COL25A1: variants seen among roughly 807,000 people sequenced by gnomAD.
COL25A1 encodes collagen type XXV alpha 1 chain.
In COL25A1, 103 loss-of-function variants were observed where a neutral mutation model predicts 128.4. The ratio of observed to expected loss-of-function variants is 0.80; its 90% CI spans 0.68 to 0.94. COL25A1 has a LOEUF of 0.94. COL25A1 is among the 40% of genes least tolerant of loss of function. The pLI, the probability that COL25A1 is intolerant of heterozygous loss-of-function variation, is 0.00. For missense variants in COL25A1, 745 were observed against 840.0 expected, an observed-to-expected ratio of 0.89 and a Z score of 1.40; for synonymous variants, 279 against 277.2, an observed-to-expected ratio of 1.01 and a Z score of -0.06.
chr4:108,811,868 AT>A lies in COL25A1; in HGVS notation c.*2058del, dbSNP rs1457602719. Reference sequence around the variant, plus strand: ...GAAGATGCCATTTTGTATGACTGTCATTTGGTTACATAACATAAATGAGATC... The same window carrying A: ...GAAGATGCCATTTTGTATGACTGTCATTGGTTACATAACATAAATGAGATC... On this transcript the variant is annotated 3_prime_UTR_variant, in exon 38 of 38. Coordinates refer to ENST00000399132, the MANE Select transcript of COL25A1 (RefSeq NM_198721.4). The A allele has an allele frequency of 1.3e-5, 2 of 152,162 alleles. No individual in the cohort carries two copies. Among genetic ancestry groups the A allele is most frequent in the African/African-American group, 4.8e-5 (2 of 41,454 alleles). 9.4% of individuals were successfully genotyped at this position (152,162 alleles called of 1,614,324 possible).
At chr4:108,859,768 A>G (rs769520958) in intron 23 of COL25A1, 35 bp from the exon 24 acceptor site, 57 of 1,527,838 alleles carry the variant, frequency 3.7e-5, no homozygotes, top group Non-Finnish European at 4.9e-5. Context: ...AATCATGGGT[A>G]TTAGCTTAGC....
chr4:108,908,589 A>C (rs1037437592), intron 13 of COL25A1, among the ~76,000 whole-genome samples: 3 of 152,192 alleles, frequency 2.0e-5, no homozygotes, highest in Non-Finnish European at 4.4e-5. Context: ...TCTAAACAGC[A>C]AACTCCCTCC....
intron 3 of COL25A1, among the ~76,000 whole-genome samples, chr4:109,144,627 C>T (rs1280660376): frequency 6.6e-6 from 1 of 152,130 alleles, no homozygotes; most frequent in Non-Finnish European, 1.5e-5. Flanking sequence ...TCAGTGAAGC[C>T]AAATATACTT....
intron 19 of COL25A1, among the ~76,000 whole-genome samples, chr4:108,874,601 A>G (rs1480145469): frequency 6.6e-6 from 1 of 152,230 alleles, no homozygotes; most frequent in Non-Finnish European, 1.5e-5. Flanking sequence ...TCCTGCTCCC[A>G]TTATCAGGGA....
At chr4:108,910,923 C>T (rs1744131857) in intron 13 of COL25A1, among the ~76,000 whole-genome samples, 1 of 152,160 alleles carries the variant, frequency 6.6e-6, no homozygotes, top group Non-Finnish European at 1.5e-5. Flanking sequence ...AATTCAGTTT[C>T]TCATAAACTA....
At chr4:108,978,757 T>C (rs957389600) in intron 6 of COL25A1, among the ~76,000 whole-genome samples, 2 of 152,198 alleles carry the variant, frequency 1.3e-5, no homozygotes, top group Non-Finnish European at 2.9e-5. Flanking sequence ...GATAAAACTT[T>C]GTTGCTCCAA....
chr4:108,884,423 T>G (rs1740526674), intron 18 of COL25A1, among the ~76,000 whole-genome samples: 1 of 152,228 alleles, frequency 6.6e-6, no homozygotes. Flanking sequence ...ACAGATTTTT[T>G]GGGATTTTCT....
intron 3 of COL25A1, among the ~76,000 whole-genome samples, chr4:109,220,324 T>A (rs1174652312): frequency 1.3e-5 from 2 of 152,200 alleles, no homozygotes; most frequent in Admixed American, 6.5e-5. Context: ...TACGCAGACA[T>A]CCATTTCGCT....
At chr4:108,890,598 T>G (rs1344507472) in intron 16 of COL25A1, among the ~76,000 whole-genome samples, 2 of 152,180 alleles carry the variant, frequency 1.3e-5, no homozygotes, top group Non-Finnish European at 2.9e-5. Context: ...TCAAGTTCCT[T>G]CTAGCCCTCT....
At chr4:109,287,623 C>A (rs1724016357) in intron 3 of COL25A1, among the ~76,000 whole-genome samples, 1 of 152,126 alleles carries the variant, frequency 6.6e-6, no homozygotes, top group Non-Finnish European at 1.5e-5. Context: ...CCCACCAACC[C>A]ACCTGTAGTT....
At chr4:109,268,861 G>A (rs969106886) in intron 3 of COL25A1, among the ~76,000 whole-genome samples, 4 of 151,980 alleles carry the variant, frequency 2.6e-5, no homozygotes, top group Non-Finnish European at 5.9e-5. Context: ...GGAGGCTTCC[G>A]GTAGCTCCCT....
intron 3 of COL25A1, among the ~76,000 whole-genome samples, chr4:109,153,176 G>C (rs1025358620): frequency 6.6e-6 from 1 of 151,688 alleles, no homozygotes; most frequent in Non-Finnish European, 1.5e-5. Flanking sequence ...TCCTGAGGTC[G>C]GGAGTTCGAG....
At chr4:109,281,964 C>G (rs1360690931) in intron 3 of COL25A1, among the ~76,000 whole-genome samples, 1 of 152,138 alleles carries the variant, frequency 6.6e-6, no homozygotes, top group Non-Finnish European at 1.5e-5. Flanking sequence ...AGTGCTCTTT[C>G]TAAGTCACAG....
intron 3 of COL25A1, among the ~76,000 whole-genome samples, chr4:109,292,014 ATTTCAAAGATCAC>A (rs1261286092): frequency 6.6e-6 from 1 of 152,138 alleles, no homozygotes; most frequent in South Asian, 2.1e-4. Flanking sequence ...ACAGTACAGT[ATTTCAAAGATCAC>A]TTCTGTGTTG....
chr4:108,884,824 T>G (rs1264955261), intron 18 of COL25A1, among the ~76,000 whole-genome samples: 1 of 152,194 alleles, frequency 6.6e-6, no homozygotes, highest in Non-Finnish European at 1.5e-5. Context: ...CTTAGCAGCT[T>G]AGGGCTAATG....
intron 24 of COL25A1, among the ~76,000 whole-genome samples, chr4:108,857,925 T>C (rs891127613): frequency 1.6e-4 from 24 of 152,194 alleles, no homozygotes; most frequent in Middle Eastern, 3.4e-3. Flanking sequence ...AGTAAACCAC[T>C]AGAACCCCAC....
intron 5 of COL25A1, among the ~76,000 whole-genome samples, chr4:109,023,545 C>T (rs1724444): frequency 0.5 from 76,282 of 151,900 alleles, 21,924 homozygotes; most frequent in African/African-American, 0.77. Flanking sequence ...AACTTTCCAA[C>T]GAGGAGCTAA....
chr4:109,078,135 A>AT (rs1763541414), intron 3 of COL25A1, among the ~76,000 whole-genome samples: 1 of 152,096 alleles, frequency 6.6e-6, no homozygotes, highest in Non-Finnish European at 1.5e-5. Flanking sequence ...TTAAACTCTA[A>AT]TTTTCTGCTA....
chr4:108,942,145 G>T, intron 8 of COL25A1: 1 of 1,504,350 alleles, frequency 6.6e-7, no homozygotes, highest in Non-Finnish European at 9.0e-7. Context: ...CAATTGAATG[G>T]TTCCTGCTCA....
Sources: allele counts gnomAD v4.1 joint callset (sites outside exome capture counted in the v4.1 genomes callset), GRCh38; gene constraint gnomAD v4.1.1; transcripts MANE v1.5; gene names NCBI Gene and HGNC (gene_info 2026-07-23, HGNC 2026-07-21).